Variants in MRNIP observed in about 807,000 individuals in gnomAD.
The protein encoded by MRNIP is MRN complex interacting protein.
Under a neutral mutation model 29.8 loss-of-function variants are expected in MRNIP, and 30 were observed. The observed-to-expected ratio is 1.01, with a 90% CI of 0.75 to 1.36. The LOEUF (loss-of-function observed/expected upper bound fraction) is 1.36, where lower values mean the gene tolerates loss of function less well. MRNIP is among the 40% of genes most tolerant of loss of function. The probability of loss-of-function intolerance (pLI) is 0.00; values close to 1 mark genes in which losing one functional copy is unlikely to be tolerated. For synonymous variants in MRNIP, 201 were observed against 164.1 expected, an observed-to-expected ratio of 1.23 and a Z score of -1.72; for missense variants, 459 against 423.5, an observed-to-expected ratio of 1.08 and a Z score of -0.74.
At chr5:179,847,608 G>A in intron 3 of MRNIP, 1 of 179,312 alleles carries the variant, frequency 5.6e-6, no homozygotes. Context: ...ACTGACCCAG[G>A]CCCAGTGGGG....
At position 179,844,213 on chromosome 5, in the gene MRNIP, GT is replaced by G; in HGVS notation, c.229del (p.Thr77LeufsTer18). ...SELPLRSLEE[T>X]VSASEEENVG... ...GTTTTCTTCTTCACTGGCACTGACA[GT>G]TTCTTCTAGAGACCTTCAGGGAAGA... is the stretch of plus-strand genomic sequence containing the variant. On this transcript the variant is annotated frameshift_variant, in exon 4 of 7. Coordinates refer to ENST00000292586, the MANE Select transcript of MRNIP (RefSeq NM_016175.4). LOFTEE classifies it high-confidence loss of function. 6.2e-7 allele frequency: 1 copy of G among 1,614,060 alleles called. No individual in the cohort carries two copies. Among genetic ancestry groups the G allele is most frequent in the African/African-American group, 1.3e-5 (1 of 75,038 alleles).
chr5:179,841,771 C>T, intron 5 of MRNIP, 136 bp downstream of exon 5: 1 of 897,236 alleles, frequency 1.1e-6, no homozygotes, highest in Non-Finnish European at 1.7e-6. Context: ...GCAGCAGCTG[C>T]CCGATTTCCC....
intron 2 of MRNIP, among the ~76,000 whole-genome samples, chr5:179,852,600 G>A (rs1380390448): frequency 6.6e-6 from 1 of 152,164 alleles, no homozygotes; most frequent in Non-Finnish European, 1.5e-5. Context: ...ACTTCCATAG[G>A]ATACTGAGAA....
At chr5:179,855,450 A>C (rs956186621) in intron 1 of MRNIP, among the ~76,000 whole-genome samples, 5 of 152,164 alleles carry the variant, frequency 3.3e-5, no homozygotes, top group Non-Finnish European at 5.9e-5. Context: ...ATAATTTTTT[A>C]TCCGAAAACC....
chr5:179,840,818 TCA>T (rs1203436846), intron 6 of MRNIP, 52 bp downstream of exon 6: 2 of 1,229,668 alleles, frequency 1.6e-6, no homozygotes, highest in Non-Finnish European at 2.4e-6. Flanking sequence ...GACAGAATTA[TCA>T]CACACACGCT....
In MRNIP at chr5:179,856,362, T is replaced by C. The variant is rs1164378989; in HGVS notation, c.66+2369A>G. Among the ~76,000 whole-genome samples, 3 of 152,334 alleles carry C rather than the reference T, an allele frequency of 2.0e-5. No individual in the cohort carries two copies. The East Asian group carries it at 5.8e-4, about 29-fold the overall frequency. On this transcript the variant is annotated intron_variant, in intron 1 of 6. Transcript: ENST00000292586. Reference sequence around the variant, plus strand: ...TCTCATGTCTCTAAGATGGGAATGATGCCTAAGTCAAAGGTTGTTGAAGTT... The same window carrying C: ...TCTCATGTCTCTAAGATGGGAATGACGCCTAAGTCAAAGGTTGTTGAAGTT...
chr5:179,849,200 G>A (rs1759252962), intron 2 of MRNIP, among the ~76,000 whole-genome samples: 1 of 148,208 alleles, frequency 6.7e-6, no homozygotes, highest in Non-Finnish European at 1.5e-5. Context: ...GATGGTACGA[G>A]ACGGAATTTG....
intron 4 of MRNIP, 26 bp from the exon 5 acceptor site, chr5:179,842,090 T>G: frequency 1.2e-6 from 2 of 1,611,712 alleles, no homozygotes; most frequent in Non-Finnish European, 1.7e-6. Context: ...AAAAGTTGAT[T>G]CTCAGTACTG....
At chr5:179,855,907 G>GT (rs1205010985) in intron 1 of MRNIP, among the ~76,000 whole-genome samples, 10,552 of 110,966 alleles carry the variant, frequency 0.095, 1,288 homozygotes, top group African/African-American at 0.26. Context: ...AAGAAAAGTT[G>GT]TTTTTTTTTT....
Position 179,844,213 on chromosome 5 carries a change from G to T in MRNIP, c.230C>A (p.Thr77Asn). 1 of 1,614,060 alleles carries T rather than the reference G, an allele frequency of 6.2e-7. No individual in the cohort carries two copies. ...SELPLRSLEETVSASEEENVG... is the reference protein window; with the variant it reads ...SELPLRSLEENVSASEEENVG... ...GTTTTCTTCTTCACTGGCACTGACA[G>T]TTTCTTCTAGAGACCTTCAGGGAAG... Residue 77 changes from threonine (T) to asparagine (N), a missense_variant, in exon 4 of 7, where the codon ACT becomes AAT. Transcript: ENST00000292586.
intron 6 of MRNIP, 104 bp downstream of exon 6, chr5:179,840,768 C>CT: frequency 1.1e-6 from 1 of 881,078 alleles, no homozygotes; most frequent in Non-Finnish European, 1.8e-6. Context: ...GATGGGCTTT[C>CT]TGCGGGTAGG....
chr5:179,844,436 G>C (rs1759043287), intron 3 of MRNIP: 1 of 481,022 alleles, frequency 2.1e-6, no homozygotes, highest in East Asian at 4.2e-5. Context: ...AACCCGGAAG[G>C]CAGAGGCTGC....
chr5:179,846,389 T>C (rs1014402379), intron 3 of MRNIP, among the ~76,000 whole-genome samples: 8 of 151,936 alleles, frequency 5.3e-5, no homozygotes, highest in African/African-American at 1.9e-4. Flanking sequence ...ATTCAAGCAA[T>C]TCTCCAGCCT....
At chr5:179,837,981 TTC>T (rs1190634600) in intron 6 of MRNIP, 96 bp from the exon 7 acceptor site, 3 of 1,127,974 alleles carry the variant, frequency 2.7e-6, no homozygotes, top group African/African-American at 3.1e-5. Flanking sequence ...GGGCCTCTGG[TTC>T]TGACACTTTC....
At chr5:179,855,558 G>A (rs772760003) in intron 1 of MRNIP, among the ~76,000 whole-genome samples, 15 of 152,176 alleles carry the variant, frequency 9.9e-5, no homozygotes, top group Non-Finnish European at 1.9e-4. Flanking sequence ...GCTTTTATAT[G>A]AGCAGACATC....
rs756011095 is a variant in MRNIP, at chr5:179,837,783, C to A, written c.640G>T (p.Glu214Ter). The A allele has an allele frequency of 1.9e-6, 3 of 1,614,072 alleles. No homozygotes were observed. The highest frequency in any genetic ancestry group is 2.5e-6 in the Non-Finnish European group (3 of 1,180,042). The change falls in exon 7 of 7, where the codon GAG (glutamate) becomes TAG (stop). Residue 214 changes from glutamate (E) to a stop codon, truncating the protein, a stop_gained. Coordinates refer to ENST00000292586, the MANE Select transcript of MRNIP (RefSeq NM_016175.4). LOFTEE classifies it low-confidence loss of function (END_TRUNC). ...ACCTGCTGGATGGGACTCCATAGCT[C>A]CTTCCCAGGACCCCTCAGCTCCCCG... ...SAGELRGPGK[E>*]LWSPIQQVTA... is the part of the protein sequence containing the mutation.
At chr5:179,843,047 A>AAGGAAGGGAGGAAGGG (rs1554093109) in intron 4 of MRNIP, among the ~76,000 whole-genome samples, 3 of 83,258 alleles carry the variant, frequency 3.6e-5, no homozygotes, top group Non-Finnish European at 6.8e-5. Context: ...GGAAAGAAGG[A>AAGGAAGGGAGGAAGGG]AGGAAGGAAG....
chr5:179,843,559 G>T (rs1328277824), intron 4 of MRNIP, among the ~76,000 whole-genome samples: 1 of 151,968 alleles, frequency 6.6e-6, no homozygotes, highest in Non-Finnish European at 1.5e-5. Flanking sequence ...GACAACACAG[G>T]GAGACCCTGC....
At chr5:179,852,210 C>T (rs560707847) in intron 2 of MRNIP, among the ~76,000 whole-genome samples, 11 of 151,020 alleles carry the variant, frequency 7.3e-5, no homozygotes, top group Admixed American at 4.0e-4. Flanking sequence ...TGCTTAAACC[C>T]GGGAGGCGAA....
Sources: gnomAD v4.1 joint callset for allele counts (sites outside exome capture counted in the v4.1 genomes callset) on GRCh38, gnomAD v4.1.1 for gene constraint, MANE v1.5 for transcripts, NCBI Gene and HGNC (gene_info 2026-07-23, HGNC 2026-07-21) for gene names.